Variants in DLG3 observed in about 807,000 individuals in gnomAD.
The protein encoded by DLG3 is discs large MAGUK scaffold protein 3, also known as disks large homolog 3.
DLG3 carries 1 observed loss-of-function variant against 64.1 expected under a neutral mutation model. The ratio of observed to expected loss-of-function variants is 0.02; its 90% CI spans 0.01 to 0.07. The LOEUF (loss-of-function observed/expected upper bound fraction) is 0.07. DLG3 is among the 10% of genes least tolerant of loss of function. DLG3 has a pLI of 1.00. For missense variants in DLG3, 429 were observed against 669.5 expected (o/e 0.64, Z 3.96); for synonymous variants, 245 against 259.8 (o/e 0.94, Z 0.55).
chrX:70,450,221 C>T lies in DLG3; in HGVS notation c.756C>T (p.Asp252=). 8.3e-7 allele frequency: 1 copy of T among 1,210,099 alleles called. No individual in the cohort carries two copies. Among genetic ancestry groups the T allele is most frequent in the Non-Finnish European group, 1.1e-6 (1 of 894,632 alleles). ...GGIGNQHIPG[D]NSIYITKIIE... Reference sequence around the variant, plus strand: ...TTGGCAACCAGCACATCCCAGGAGACAACAGCATCTACATCACCAAGATCA... The same window carrying T: ...TTGGCAACCAGCACATCCCAGGAGATAACAGCATCTACATCACCAAGATCA... The change falls in exon 5 of 19, where the codon GAC becomes GAT. Residue 252 remains aspartate, a synonymous_variant. Transcript: ENST00000374360.
intron 6 of DLG3, 85 bp downstream of exon 6, chrX:70,450,868 AG>A: frequency 8.8e-7 from 1 of 1,137,311 alleles, no homozygotes; most frequent in Non-Finnish European, 1.2e-6. Flanking sequence ...CTTTGTTAAG[AG>A]AGGGCAAGCA....
At chrX:70,468,006 A>T (rs1416961102) in intron 9 of DLG3, among the ~76,000 whole-genome samples, 2 of 111,928 alleles carry the variant, frequency 1.8e-5, no homozygotes, top group Non-Finnish European at 3.8e-5. Flanking sequence ...TCTTAGTTTG[A>T]TGTGAGATCA....
intron 9 of DLG3, among the ~76,000 whole-genome samples, chrX:70,462,904 C>T (rs1283070539): frequency 9.0e-6 from 1 of 111,257 alleles, no homozygotes; most frequent in Non-Finnish European, 1.9e-5. Flanking sequence ...ATTTTGCCCC[C>T]TGGAGCTGAA....
intron 10 of DLG3, among the ~76,000 whole-genome samples, chrX:70,483,623 C>T (rs1032790520): frequency 1.8e-5 from 2 of 112,721 alleles, no homozygotes; most frequent in East Asian, 2.8e-4. Context: ...GTAAATAACA[C>T]TCTCTTAGAG....
chrX:70,503,957 G>T lies in DLG3; in HGVS notation c.*1688G>T, dbSNP rs2087611142. On this transcript the variant is annotated 3_prime_UTR_variant, in exon 19 of 19. Transcript: ENST00000374360. ...CTAGGATTGAGGCACTTGTTTCCTAGCCCGCTGGGTTAGGGCTGGTGCAAG... is the reference window on the plus strand; with the variant it reads ...CTAGGATTGAGGCACTTGTTTCCTATCCCGCTGGGTTAGGGCTGGTGCAAG... 1 of 111,489 alleles carries T rather than the reference G, an allele frequency of 9.0e-6. No homozygotes were observed. The highest frequency in any genetic ancestry group is 3.3e-5 in the African/African-American group (1 of 30,515). The allele number at this position is 111,489 out of a possible 1,213,427, so 9.2% of individuals were successfully genotyped here.
rs2087623367 is a variant in DLG3 at position 70,504,680 on chromosome X, G to A, written c.*2411G>A. 1 of 112,392 alleles carries A rather than the reference G, an allele frequency of 8.9e-6. No individual in the cohort carries two copies. The allele number at this position is 112,392 out of a possible 1,213,427, so 9.3% of individuals were successfully genotyped here. On this transcript the variant is annotated 3_prime_UTR_variant, in exon 19 of 19. Coordinates refer to ENST00000374360, the MANE Select transcript of DLG3 (RefSeq NM_021120.4). Reference sequence around the variant, plus strand: ...GTACACAAGGTGGGAGAGGCCTGCTGTAGCAGAGGTGTGTGTTAGAGAAAG... The same window carrying A: ...GTACACAAGGTGGGAGAGGCCTGCTATAGCAGAGGTGTGTGTTAGAGAAAG...
intron 9 of DLG3, chrX:70,454,968 G>T: frequency 1.4e-6 from 1 of 704,450 alleles, no homozygotes; most frequent in Non-Finnish European, 1.7e-6. Flanking sequence ...AGGTGCCGAG[G>T]TGAGCCGCGG....
chrX:70,463,996 C>T (rs1056003691), intron 9 of DLG3, among the ~76,000 whole-genome samples: 14 of 110,327 alleles, frequency 1.3e-4, no homozygotes, highest in African/African-American at 4.6e-4. Flanking sequence ...CAGGAGTGAG[C>T]CACTGCACTC....
At chrX:70,465,184 A>T (rs1264961639) in intron 9 of DLG3, among the ~76,000 whole-genome samples, 3 of 112,075 alleles carry the variant, frequency 2.7e-5, no homozygotes, top group Non-Finnish European at 5.6e-5. Context: ...AGGACAAAAA[A>T]GTCTTGTCAG....
chrX:70,502,416 G>A lies in DLG3; in HGVS notation c.*147G>A. 1 of 451,242 alleles carries A rather than the reference G, an allele frequency of 2.2e-6. No homozygotes were observed. 37.2% of individuals were successfully genotyped at this position (451,242 alleles called of 1,213,427 possible). On this transcript the variant is annotated 3_prime_UTR_variant, in exon 19 of 19. Coordinates refer to ENST00000374360, the MANE Select transcript of DLG3 (RefSeq NM_021120.4). Reference sequence around the variant, plus strand: ...ATGTCAAAAAAAATTAAGTTTTCTAGTCCTGTTCTTTTTTTTTTTTTAAGT... The same window carrying A: ...ATGTCAAAAAAAATTAAGTTTTCTAATCCTGTTCTTTTTTTTTTTTTAAGT...
rs1255634712 is a variant in DLG3, at chrX:70,499,938, C to T, written c.2034C>T (p.Ser678=). 3.3e-6 allele frequency: 4 copies of T among 1,210,250 alleles called. No homozygotes were observed. The highest frequency in any genetic ancestry group is 3.5e-5 in the South Asian group (2 of 56,629). ...GACAAGACTACCACTTTGTGGTGTC[C>T]CGAGAACAAATGGAGAAAGATATTC... ...VDGQDYHFVV[S]REQMEKDIQD... Residue 678 remains serine (S), a synonymous_variant, in exon 16 of 19, where the codon TCC becomes TCT. Transcript: ENST00000374360.
At chrX:70,453,324 C>A (rs913142762) in intron 7 of DLG3, 6 of 258,740 alleles carry the variant, frequency 2.3e-5, no homozygotes, top group African/African-American at 1.7e-4. Context: ...GGAAGAGGAC[C>A]AGTGAGTGGG....
At chrX:70,495,597 G>T (rs965392132) in intron 13 of DLG3, 144 bp downstream of exon 13, 1 of 588,558 alleles carries the variant, frequency 1.7e-6, no homozygotes, top group Admixed American at 2.3e-5. Flanking sequence ...AGGAAGAAGT[G>T]CATGTGGCTC....
In DLG3 at chrX:70,450,277, G is replaced by A. The variant is rs2086604582; in HGVS notation, c.812G>A (p.Arg271His). 8.4e-7 allele frequency: 1 copy of A among 1,193,460 alleles called. No individual in the cohort carries two copies. The highest frequency in any genetic ancestry group is 1.1e-6 in the Non-Finnish European group (1 of 886,056). ...IEGGAAQKDG[R>H]LQIGDRLLAV... Reference sequence around the variant, plus strand: ...GGGGGTGCTGCTCAGAAGGATGGACGCCTACAGATTGGGGACCGGCTGCTG... The same window carrying A: ...GGGGGTGCTGCTCAGAAGGATGGACACCTACAGATTGGGGACCGGCTGCTG... Residue 271 changes from arginine (R) to histidine (H), a missense_variant, in exon 5 of 19, where the codon CGC (arginine) becomes CAC (histidine). By Grantham distance (29) the Arg-to-His change is conservative (BLOSUM62 0). This residue lies in a region of DLG3 where 73 missense variants were observed against 158.5 expected (regional missense o/e 0.46). Transcript: ENST00000374360.
chrX:70,462,163 C>T (rs927594355), intron 9 of DLG3, among the ~76,000 whole-genome samples: 1 of 102,883 alleles, frequency 9.7e-6, no homozygotes, highest in Non-Finnish European at 2.0e-5. Context: ...TTGTGTTTGG[C>T]TTTTTTCACT....
In DLG3 at chrX:70,445,410, G is replaced by A. The variant is rs1195418769; in HGVS notation, c.209G>A (p.Arg70His). Residue 70 changes from arginine to histidine, a missense_variant, in exon 1 of 19, where the codon CGC becomes CAC. Physicochemically the swap from Arg to His is conservative, Grantham distance 29 (BLOSUM62 0). This residue lies in a region of DLG3 where 123 missense variants were observed against 113.3 expected (regional missense o/e 1.09). Coordinates refer to ENST00000374360, the MANE Select transcript of DLG3 (RefSeq NM_021120.4). Reference sequence around the variant, plus strand: ...CAGGCGGGGGCCACCCCCACCCCTCGCACCAAGGCCAAGCTCATCCCCACC... The same window carrying A: ...CAGGCGGGGGCCACCCCCACCCCTCACACCAAGGCCAAGCTCATCCCCACC... ...PSQAGATPTP[R>H]TKAKLIPTGR... 8.4e-7 allele frequency: 1 copy of A among 1,187,170 alleles called. No homozygotes were observed. The highest frequency in any genetic ancestry group is 1.1e-6 in the Non-Finnish European group (1 of 883,247).
intron 9 of DLG3, among the ~76,000 whole-genome samples, chrX:70,469,250 C>T (rs778997972): frequency 9.0e-6 from 1 of 110,728 alleles, no homozygotes; most frequent in South Asian, 3.9e-4. Flanking sequence ...TGGCCTCAAG[C>T]AATCCTCACA....
At chrX:70,446,747 G>A (rs745342476) in intron 1 of DLG3, among the ~76,000 whole-genome samples, 4 of 112,906 alleles carry the variant, frequency 3.5e-5, no homozygotes, top group Admixed American at 9.3e-5. Flanking sequence ...TCCCTGGCAC[G>A]CAAGGCGGAG....
chrX:70,473,221 A>G (rs909724027), intron 9 of DLG3, among the ~76,000 whole-genome samples: 31 of 107,760 alleles, frequency 2.9e-4, no homozygotes, highest in Non-Finnish European at 5.4e-4. Flanking sequence ...GTATGATCTG[A>G]CCCCTGCTTA....
Sources: gnomAD v4.1 joint callset for allele counts (sites outside exome capture counted in the v4.1 genomes callset) on GRCh38, gnomAD v4.1.1 for gene constraint, gnomAD v4.1.1 regional missense constraint, MANE v1.5 for transcripts, NCBI Gene and HGNC (gene_info 2026-07-23, HGNC 2026-07-21) for gene names.